Variants in NEBL observed in about 807,000 individuals in gnomAD.
The protein encoded by NEBL is nebulette.
A neutral mutation model predicts 140.2 loss-of-function variants in NEBL; 122 were observed. The observed-to-expected ratio is 0.87, with a 90% CI of 0.75 to 1.01. NEBL has a LOEUF of 1.01. NEBL is among the 50% of genes least tolerant of loss of function. NEBL has a pLI of 0.00. For synonymous variants in NEBL, 436 were observed against 398.9 expected, an observed-to-expected ratio of 1.09 and a Z score of -1.11; for missense variants, 1,365 against 1,231.3, an observed-to-expected ratio of 1.11 and a Z score of -1.62.
chr10:20,892,326 C>T (rs1847098638), intron 2 of NEBL, among the ~76,000 whole-genome samples: 1 of 152,216 alleles, frequency 6.6e-6, no homozygotes, highest in African/African-American at 2.4e-5. Flanking sequence ...CTGTCTTCCA[C>T]ATTTTTCTTT....
intron 13 of NEBL, 73 bp downstream of exon 13, chr10:20,840,666 T>C (rs935767342): frequency 2.2e-5 from 23 of 1,033,296 alleles, no homozygotes; most frequent in Middle Eastern, 2.0e-4. Context: ...GTATAGAACC[T>C]TTGAGAAAGA....
At chr10:21,052,392 T>G (rs1834816099) in intron 2 of NEBL, among the ~76,000 whole-genome samples, 1 of 152,164 alleles carries the variant, frequency 6.6e-6, no homozygotes, top group Non-Finnish European at 1.5e-5. Context: ...TTCCCAATTT[T>G]TCTGCAGTAG....
intron 1 of NEBL, among the ~76,000 whole-genome samples, chr10:21,262,413 G>A (rs917619803): frequency 2.0e-5 from 3 of 152,202 alleles, no homozygotes; most frequent in East Asian, 1.9e-4. Context: ...CCCAAGCTGC[G>A]TGAATCTGGC....
rs1835495346 is a variant in NEBL at position 20,787,236 on chromosome 10, G to A, written c.2834C>T (p.Ser945Leu). The A allele has an allele frequency of 1.2e-6, 2 of 1,613,240 alleles. No individual in the cohort carries two copies. The highest frequency in any genetic ancestry group is 1.7e-5 in the Admixed American group (1 of 59,950). The change falls in exon 27 of 28, where the codon TCA becomes TTA. Residue 945 changes from serine to leucine, a missense_variant. Coordinates refer to ENST00000377122, the MANE Select transcript of NEBL (RefSeq NM_006393.3). ...GYGYMHQTSV[S>L]SMRSMQHSPN... ...TGAATGCTGCATTGATCTCATGGAT[G>A]ACACACTGGTCTGGTGCATGTAGCC...
intron 7 of NEBL, among the ~76,000 whole-genome samples, chr10:20,865,326 T>A (rs993595925): frequency 3.9e-5 from 6 of 152,206 alleles, no homozygotes; most frequent in Non-Finnish European, 4.4e-5. Flanking sequence ...CAGTAACTCA[T>A]TTAACCTTCA....
chr10:21,020,293 C>T, intron 2 of NEBL: 1 of 1,109,156 alleles, frequency 9.0e-7, no homozygotes, highest in East Asian at 2.4e-5. Context: ...CCCCCTTTTC[C>T]CAACCCCATC....
chr10:20,834,386 G>A (rs558651080), intron 14 of NEBL, among the ~76,000 whole-genome samples: 14 of 152,220 alleles, frequency 9.2e-5, no homozygotes, highest in African/African-American at 2.2e-4. Context: ...GCTCCTGGCC[G>A]TCCACCCCTG....
intron 2 of NEBL, among the ~76,000 whole-genome samples, chr10:21,073,685 A>C (rs1835926609): frequency 6.6e-6 from 1 of 150,886 alleles, no homozygotes. Flanking sequence ...ACTGCTCCCT[A>C]CTCCCAAAGA....
intron 3 of NEBL, among the ~76,000 whole-genome samples, chr10:21,181,340 A>G (rs773448476): frequency 1.3e-5 from 2 of 152,098 alleles, no homozygotes; most frequent in Non-Finnish European, 2.9e-5. Flanking sequence ...TAAAATAATA[A>G]GAAAAAATAA....
At chr10:21,046,135 G>C (rs926002757) in intron 2 of NEBL, among the ~76,000 whole-genome samples, 1 of 152,130 alleles carries the variant, frequency 6.6e-6, no homozygotes, top group African/African-American at 2.4e-5. Context: ...GGCACAGAAA[G>C]ATAAATACCA....
chr10:20,968,700 C>T (rs1225116170), intron 3 of NEBL, among the ~76,000 whole-genome samples: 2 of 152,194 alleles, frequency 1.3e-5, no homozygotes, highest in East Asian at 3.8e-4. Context: ...CCTAAAATCT[C>T]AGGCACATGT....
At chr10:21,271,992 C>G (rs978441489) in intron 1 of NEBL, among the ~76,000 whole-genome samples, 2 of 151,474 alleles carry the variant, frequency 1.3e-5, no homozygotes, top group African/African-American at 4.9e-5. Flanking sequence ...GAGTCTCACT[C>G]TGTCACCCAG....
At chr10:21,291,704 G>C (rs549958557) in intron 1 of NEBL, among the ~76,000 whole-genome samples, 11 of 151,876 alleles carry the variant, frequency 7.2e-5, no homozygotes, top group African/African-American at 2.2e-4. Context: ...CAAGAGGTCA[G>C]GAGTTCAAGA....
chr10:20,871,077 T>C (rs556664906), intron 5 of NEBL, among the ~76,000 whole-genome samples: 2 of 152,346 alleles, frequency 1.3e-5, no homozygotes, highest in African/African-American at 4.8e-5. Context: ...AAAGTCATAA[T>C]GCAAAGTGTA....
intron 3 of NEBL, among the ~76,000 whole-genome samples, chr10:21,204,821 C>T (rs555255058): frequency 2.1e-4 from 32 of 152,250 alleles, no homozygotes; most frequent in Admixed American, 2.0e-3. Flanking sequence ...GTGGTGGGTG[C>T]CAAGCAACTG....
intron 9 of NEBL, among the ~76,000 whole-genome samples, chr10:20,853,176 A>G (rs1220013549): frequency 6.6e-6 from 1 of 152,228 alleles, no homozygotes; most frequent in African/African-American, 2.4e-5. Context: ...ATAAGCAACT[A>G]TTGTTCCTAA....
chr10:21,169,061 AAAAAAAATATATATATATATAT>A (rs1278008157), intron 2 of NEBL, among the ~76,000 whole-genome samples: 14 of 41,746 alleles, frequency 3.4e-4, no homozygotes, highest in African/African-American at 8.9e-4. Flanking sequence ...AAAAAAAAAA[AAAAAAAATATATATATATATAT>A]ATATATATAT....
Position 21,065,660 on chromosome 10 carries a change from A to T in NEBL, c.165-45459T>A, listed in dbSNP as rs546931372. ...AGCATCTTCACACAAAGCCAGTGGC[A>T]TTTATTGAGCACCTGCTATGTATGA... On this transcript the variant is annotated intron_variant, in intron 2 of 6. Transcript: ENST00000417816. Among the ~76,000 whole-genome samples the T allele has an allele frequency of 3.3e-5, 5 of 152,352 alleles. No homozygotes were observed. In the East Asian group the frequency reaches 9.6e-4, roughly 29 times the overall value.
intron 3 of NEBL, among the ~76,000 whole-genome samples, chr10:21,221,208 A>G (rs997790726): frequency 2.6e-5 from 4 of 152,040 alleles, no homozygotes; most frequent in Non-Finnish European, 5.9e-5. Flanking sequence ...AATTAGCTTG[A>G]CTCATGCATT....
Sources: allele counts gnomAD v4.1 joint callset (sites outside exome capture counted in the v4.1 genomes callset), GRCh38; gene constraint gnomAD v4.1.1; transcripts MANE v1.5; gene names NCBI Gene and HGNC (gene_info 2026-07-23, HGNC 2026-07-21).